Variants in PEBP4 observed in about 807,000 individuals in gnomAD.
PEBP4 encodes the protein phosphatidylethanolamine binding protein 4.
Under a neutral mutation model 23.9 loss-of-function variants are expected in PEBP4, and 22 were observed. The observed-to-expected ratio is 0.92, with a 90% confidence interval of 0.66 to 1.31. The LOEUF is 1.31. Among genes scored for constraint, PEBP4 ranks in the 40% most tolerant of loss-of-function variants. The probability of loss-of-function intolerance (pLI) is 0.00; values close to 1 mark genes in which losing one functional copy is unlikely to be tolerated. For synonymous variants in PEBP4, 112 were observed against 99.3 expected (o/e 1.13, Z -0.76); for missense variants, 324 against 281.7 (o/e 1.15, Z -1.07).
chr8:22,920,256 A>G lies in PEBP4; in HGVS notation c.186T>C (p.Pro62=). The G allele has an allele frequency of 1.2e-6, 2 of 1,613,904 alleles. No homozygotes were observed. Among genetic ancestry groups the G allele is most frequent in the Non-Finnish European group, 1.7e-6 (2 of 1,179,850 alleles). The stretch of plus-strand genomic sequence containing the variant: ...TCTTCTGTCTGTAGTTGTTACAATC[A>G]GGAACAACCTTGCAGCCAATGTTCC... ...ELGNIGCKVV[P]DCNNYRQKIT... is the part of the protein sequence containing the mutation. Residue 62 remains proline, a synonymous_variant, in exon 3 of 7, where the codon CCT becomes CCC. Transcript: ENST00000256404.
At chr8:22,883,793 G>C (rs906080873) in intron 3 of PEBP4, among the ~76,000 whole-genome samples, 2 of 152,062 alleles carry the variant, frequency 1.3e-5, no homozygotes, top group African/African-American at 4.8e-5. Context: ...GTATATCACA[G>C]GGCCTCATTG....
chr8:22,822,395 C>T (rs943198002), intron 3 of PEBP4, among the ~76,000 whole-genome samples: 16 of 150,148 alleles, frequency 1.1e-4, no homozygotes, highest in Non-Finnish European at 2.1e-4. Flanking sequence ...CCAGTAGAAT[C>T]CCATAAAGAG....
At chr8:22,752,619 G>A (rs1327638213) in intron 4 of PEBP4, among the ~76,000 whole-genome samples, 1 of 152,210 alleles carries the variant, frequency 6.6e-6, no homozygotes, top group Non-Finnish European at 1.5e-5. Flanking sequence ...AGTCATCGTG[G>A]AAGGGAATCT....
At chr8:22,753,827 G>A (rs1056179290) in intron 4 of PEBP4, among the ~76,000 whole-genome samples, 8 of 152,220 alleles carry the variant, frequency 5.3e-5, no homozygotes, top group African/African-American at 7.2e-5. Flanking sequence ...CTGGAGCTGG[G>A]AGGCAGGAAG....
upstream of PEBP4, among the ~76,000 whole-genome samples, chr8:22,931,232 T>G (rs1386689357): frequency 6.6e-6 from 1 of 152,178 alleles, no homozygotes; most frequent in Non-Finnish European, 1.5e-5. Flanking sequence ...TAATTAAAAA[T>G]TAATTGAGAT....
In PEBP4 at chr8:22,751,840, C is replaced by T. The variant is rs187654917; in HGVS notation, c.358-24620G>A. Among the ~76,000 whole-genome samples, 4 of 152,272 alleles carry T rather than the reference C, an allele frequency of 2.6e-5. No individual in the cohort carries two copies. The East Asian group carries it at 5.8e-4, about 22-fold the overall frequency. ...GTTGCTGGCAGATCAGCCTGCCTTC[C>T]CATTGTCAGTCACCCACTCTTCTCA... On this transcript the variant is annotated intron_variant, in intron 4 of 6. Coordinates refer to ENST00000256404, the MANE Select transcript of PEBP4 (RefSeq NM_144962.3).
chr8:22,808,210 A>G (rs894054028), intron 4 of PEBP4, among the ~76,000 whole-genome samples: 5 of 150,702 alleles, frequency 3.3e-5, no homozygotes, highest in African/African-American at 1.2e-4. Context: ...CCATCCACCC[A>G]CCCATCTACC....
At chr8:22,733,344 GT>G (rs1804779519) in intron 4 of PEBP4, among the ~76,000 whole-genome samples, 3 of 152,188 alleles carry the variant, frequency 2.0e-5, no homozygotes, top group Admixed American at 2.0e-4. Context: ...TATCCTTTGG[GT>G]GTCCCCGTAG....
chr8:22,773,877 T>C (rs1274192377), intron 4 of PEBP4, among the ~76,000 whole-genome samples: 1 of 152,112 alleles, frequency 6.6e-6, no homozygotes, highest in Non-Finnish European at 1.5e-5. Context: ...CCTTCCCTGT[T>C]CTGACCAGAG....
intron 3 of PEBP4, among the ~76,000 whole-genome samples, chr8:22,875,045 C>G (rs1188725397): frequency 6.6e-6 from 1 of 152,114 alleles, no homozygotes; most frequent in Non-Finnish European, 1.5e-5. Context: ...TTCTCTGCTT[C>G]TCCATTCAGC....
chr8:22,853,250 A>G (rs749096119), intron 3 of PEBP4, among the ~76,000 whole-genome samples: 1 of 152,214 alleles, frequency 6.6e-6, no homozygotes, highest in Non-Finnish European at 1.5e-5. Flanking sequence ...GGCCTGAACC[A>G]GTGTGACAGA....
At chr8:22,897,992 G>A (rs538492175) in intron 3 of PEBP4, among the ~76,000 whole-genome samples, 17 of 152,108 alleles carry the variant, frequency 1.1e-4, no homozygotes, top group Non-Finnish European at 2.1e-4. Flanking sequence ...GAAGGTAGCC[G>A]TTTTCAAGCC....
intron 4 of PEBP4, among the ~76,000 whole-genome samples, chr8:22,764,288 G>A (rs1805566960): frequency 1.3e-5 from 2 of 152,034 alleles, no homozygotes; most frequent in African/African-American, 4.8e-5. Flanking sequence ...CTGAAAAAAT[G>A]GAGAAGGATA....
intron 4 of PEBP4, among the ~76,000 whole-genome samples, chr8:22,790,511 G>T (rs1806117462): frequency 6.6e-6 from 1 of 152,186 alleles, no homozygotes; most frequent in Non-Finnish European, 1.5e-5. Context: ...AGGCCCCTAA[G>T]CATGGCAACA....
At chr8:22,902,311 A>G (rs1808728326) in intron 3 of PEBP4, among the ~76,000 whole-genome samples, 1 of 152,174 alleles carries the variant, frequency 6.6e-6, no homozygotes, top group Non-Finnish European at 1.5e-5. Context: ...CCTGGATGAC[A>G]AGAGTGAAAC....
intron 3 of PEBP4, among the ~76,000 whole-genome samples, chr8:22,841,132 A>C (rs985351931): frequency 6.6e-6 from 1 of 152,268 alleles, no homozygotes; most frequent in African/African-American, 2.4e-5. Flanking sequence ...TAAAGAAGAG[A>C]AAACTGAGGC....
At chr8:22,925,618 G>C (rs1009358084) in intron 2 of PEBP4, among the ~76,000 whole-genome samples, 3 of 152,192 alleles carry the variant, frequency 2.0e-5, no homozygotes, top group Non-Finnish European at 4.4e-5. Flanking sequence ...TGGGTCACCA[G>C]GGCACCAACA....
At chr8:22,763,148 G>C (rs181742879) in intron 4 of PEBP4, among the ~76,000 whole-genome samples, 353 of 152,186 alleles carry the variant, frequency 2.3e-3, no homozygotes, top group Admixed American at 3.8e-3. Flanking sequence ...GGGATTACAG[G>C]TGCATGCCAC....
At chr8:22,784,481 AG>A (rs1170427800) in intron 4 of PEBP4, among the ~76,000 whole-genome samples, 1 of 152,188 alleles carries the variant, frequency 6.6e-6, no homozygotes, top group African/African-American at 2.4e-5. Context: ...CAGGCCTCCT[AG>A]CCTTGAATTC....
Sources: gnomAD v4.1 joint callset for allele counts (sites outside exome capture counted in the v4.1 genomes callset) on GRCh38, gnomAD v4.1.1 for gene constraint, MANE v1.5 for transcripts, NCBI Gene and HGNC (gene_info 2026-07-23, HGNC 2026-07-21) for gene names.